Variants in WIPF3 observed in about 807,000 individuals in gnomAD.
WIPF3 encodes WAS/WASL interacting protein family member 3.
In WIPF3, 33 loss-of-function variants were observed where a neutral mutation model predicts 38.9. That is an observed-to-expected ratio of 0.85 (90% CI 0.64 to 1.14). The LOEUF is 1.14. Among genes scored for constraint, WIPF3 ranks in the 50% most tolerant of loss-of-function variants. The pLI is 0.00. For synonymous variants in WIPF3, 324 were observed against 269.3 expected (o/e 1.20, Z -1.99); for missense variants, 711 against 652.5 (o/e 1.09, Z -0.98).
Position 29,884,075 on chromosome 7 carries a change from C to G in WIPF3, c.581C>G (p.Ser194Cys). The G allele has an allele frequency of 6.9e-7, 1 of 1,456,720 alleles. No homozygotes were observed. The highest frequency in any genetic ancestry group is 9.1e-7 in the Non-Finnish European group (1 of 1,095,016). The allele number at this position is 1,456,720 out of a possible 1,614,324, so 90.2% of individuals were successfully genotyped here. ...TTACCCCCGCCCCTTCCCTCTTCCT[C>G]CCCCATCAAAACTCCGCTTGTGTCC... ...PPLPPPLPSS[S>C]PIKTPLVSPP... The change falls in exon 5 of 9, where the codon TCC becomes TGC. Residue 194 changes from serine to cysteine, a missense_variant. Ser to Cys is a moderately radical substitution (Grantham distance 112). Transcript: ENST00000242140.
intron 1 of WIPF3, among the ~76,000 whole-genome samples, chr7:29,830,101 GA>G (rs11385420): frequency 1.6e-4 from 23 of 147,556 alleles, no homozygotes; most frequent in East Asian, 4.0e-4. Flanking sequence ...ATTGTATCTG[GA>G]AAAAAAAAAG....
intron 1 of WIPF3, among the ~76,000 whole-genome samples, chr7:29,815,906 C>T (rs1348257704): frequency 6.6e-6 from 1 of 152,110 alleles, no homozygotes; most frequent in African/African-American, 2.4e-5. Flanking sequence ...TTTCAGCTGT[C>T]CCAGGAAGTC....
intron 1 of WIPF3, among the ~76,000 whole-genome samples, chr7:29,806,918 C>T (rs986279930): frequency 6.6e-6 from 1 of 151,224 alleles, no homozygotes; most frequent in Non-Finnish European, 1.5e-5. Context: ...CCGGCCGGGC[C>T]GGGCCGGGCC....
intron 7 of WIPF3, among the ~76,000 whole-genome samples, chr7:29,899,266 A>G (rs541873252): frequency 1.1e-4 from 16 of 152,224 alleles, no homozygotes; most frequent in Non-Finnish European, 1.9e-4. Flanking sequence ...TTTTGGAGAA[A>G]CACGATTCAA....
At chr7:29,837,864 C>A (rs1476095767) in intron 2 of WIPF3, among the ~76,000 whole-genome samples, 1 of 152,100 alleles carries the variant, frequency 6.6e-6, no homozygotes, top group Non-Finnish European at 1.5e-5. Context: ...TAATGAGAAA[C>A]CATTTTTATC....
At chr7:29,905,344 G>A (rs1261279064) in intron 8 of WIPF3, 1 of 152,214 alleles carries the variant, frequency 6.6e-6, no homozygotes, top group Non-Finnish European at 1.5e-5. Flanking sequence ...ACACAATATT[G>A]TTAACAGGTA....
chr7:29,897,180 G>A (rs1308162517), intron 7 of WIPF3, among the ~76,000 whole-genome samples: 1 of 152,026 alleles, frequency 6.6e-6, no homozygotes, highest in Non-Finnish European at 1.5e-5. Context: ...CCTTTTTAAG[G>A]CTGAATAGTA....
chr7:29,863,879 A>G (rs1785342532), intron 2 of WIPF3, among the ~76,000 whole-genome samples: 1 of 152,162 alleles, frequency 6.6e-6, no homozygotes, highest in Non-Finnish European at 1.5e-5. Flanking sequence ...CTGGTACAGT[A>G]TATAGTTTTG....
intron 2 of WIPF3, among the ~76,000 whole-genome samples, chr7:29,849,064 T>A (rs2107895): frequency 6.6e-6 from 1 of 152,096 alleles, no homozygotes; most frequent in African/African-American, 2.4e-5. Flanking sequence ...AAATAAAAGT[T>A]CATAAGTCAT....
intron 2 of WIPF3, among the ~76,000 whole-genome samples, chr7:29,850,159 C>T (rs1185020496): frequency 6.6e-6 from 1 of 152,176 alleles, no homozygotes; most frequent in Non-Finnish European, 1.5e-5. Context: ...GAATGTGAAA[C>T]TTCATTTCGT....
intron 8 of WIPF3, among the ~76,000 whole-genome samples, chr7:29,912,032 G>A (rs1786514185): frequency 6.6e-6 from 1 of 152,160 alleles, no homozygotes. Context: ...TCGTGTATCT[G>A]ATAAGAGATT....
rs1562794049 is a variant in WIPF3 at position 29,914,557 on chromosome 7, GAAC to G, written c.*46_*48del. The G allele has an allele frequency of 4.1e-6, 6 of 1,475,480 alleles. No individual in the cohort carries two copies. The highest frequency in any genetic ancestry group is 5.3e-5 in the East Asian group (2 of 37,588). The allele number at this position is 1,475,480 out of a possible 1,614,324, so 91.4% of individuals were successfully genotyped here. Reference sequence around the variant, plus strand: ...GAAGGTCCTGGGGTTCCAGGTTGCAGAACAACATGTCAGACCCCACCCACCCCA... The same window carrying G: ...GAAGGTCCTGGGGTTCCAGGTTGCAGAACATGTCAGACCCCACCCACCCCA... On this transcript the variant is annotated 3_prime_UTR_variant, in exon 9 of 9. Coordinates refer to ENST00000242140, the MANE Select transcript of WIPF3 (RefSeq NM_001080529.3).
intron 2 of WIPF3, among the ~76,000 whole-genome samples, chr7:29,843,654 A>T (rs939301609): frequency 6.6e-6 from 1 of 152,094 alleles, no homozygotes; most frequent in Non-Finnish European, 1.5e-5. Context: ...CTGCCAGCGA[A>T]CCTTTCCTCC....
chr7:29,914,495 A>C lies in WIPF3; in HGVS notation c.1431A>C (p.Leu477Phe), dbSNP rs1396666827. The C allele has an allele frequency of 1.3e-6, 2 of 1,519,168 alleles. No homozygotes were observed. The highest frequency in any genetic ancestry group is 2.1e-5 in the Admixed American group (1 of 47,918). The allele number at this position is 1,519,168 out of a possible 1,614,324, so 94.1% of individuals were successfully genotyped here. A position where few individuals can be genotyped will look rare whatever the true frequency, so the allele number is the denominator to read the frequency against. Reference protein sequence around the residue: ...SDDIKGRNSQLSLKTLR With the variant: ...SDDIKGRNSQFSLKTLR Reference sequence around the variant, plus strand: ...AATGTTCTGTTATGTTTCCACAGTTATCTCTAAAGACTCTTCGGTGAGAAG... The same window carrying C: ...AATGTTCTGTTATGTTTCCACAGTTCTCTCTAAAGACTCTTCGGTGAGAAG... The change falls in exon 9 of 9, where the codon TTA becomes TTC. Residue 477 changes from leucine (L) to phenylalanine (F), a missense_variant and splice_region_variant. Physicochemically the swap from Leu to Phe is conservative, Grantham distance 22. Transcript: ENST00000242140.
At position 29,888,156 on chromosome 7, in the gene WIPF3, A is replaced by G. The variant is rs1178331214; in HGVS notation, c.1188A>G (p.Thr396=). 1.9e-6 allele frequency: 3 copies of G among 1,613,724 alleles called. No homozygotes were observed. The highest frequency in any genetic ancestry group is 2.5e-6 in the Non-Finnish European group (3 of 1,179,772). Residue 396 remains threonine, a synonymous_variant, in exon 6 of 9, where the codon ACA becomes ACG. Coordinates refer to ENST00000242140, the MANE Select transcript of WIPF3 (RefSeq NM_001080529.3). ...TTTCAAGCAAGAGCCAGCAGGCCAC[A>G]GCCTGGACCCCGACGCAGCAGCCTG... ...TELSSKSQQA[T]AWTPTQQPGG...
intron 2 of WIPF3, among the ~76,000 whole-genome samples, chr7:29,835,579 C>G (rs1784786844): frequency 1.3e-5 from 2 of 152,086 alleles, no homozygotes; most frequent in Admixed American, 1.3e-4. Context: ...GCCAGATGTC[C>G]CCTTGTGGGG....
At chr7:29,834,432 T>C (rs968885001) in intron 1 of WIPF3, among the ~76,000 whole-genome samples, 3 of 152,150 alleles carry the variant, frequency 2.0e-5, no homozygotes, top group Non-Finnish European at 4.4e-5. Context: ...AGCTAAATTC[T>C]ATCAGTTTTA....
At position 29,851,950 on chromosome 7, in the gene WIPF3, G is replaced by A. The variant is rs185634295; in HGVS notation, c.90+17136G>A. Among the ~76,000 whole-genome samples, 7 of 152,108 alleles carry A rather than the reference G, an allele frequency of 4.6e-5. No homozygotes were observed. In the East Asian group the frequency reaches 1.3e-3, roughly 29 times the overall value. On this transcript the variant is annotated intron_variant, in intron 2 of 8. Coordinates refer to ENST00000242140, the MANE Select transcript of WIPF3 (RefSeq NM_001080529.3). ...TGCTAGACAATGCCTGAAGAGAAAGGCTCCTCTAAAGCTTTTTATTTTAAT... is the reference window on the plus strand; with the variant it reads ...TGCTAGACAATGCCTGAAGAGAAAGACTCCTCTAAAGCTTTTTATTTTAAT...
intron 8 of WIPF3, among the ~76,000 whole-genome samples, chr7:29,906,353 A>G (rs1479103530): frequency 6.6e-6 from 1 of 152,220 alleles, no homozygotes; most frequent in Non-Finnish European, 1.5e-5. Context: ...AAAGAGGAAA[A>G]AAACATTTTC....
Sources: allele counts gnomAD v4.1 joint callset (sites outside exome capture counted in the v4.1 genomes callset), GRCh38; gene constraint gnomAD v4.1.1; transcripts MANE v1.5; gene names NCBI Gene and HGNC (gene_info 2026-07-23, HGNC 2026-07-21).